Variants in TRAM2 observed in about 807,000 individuals in gnomAD.
TRAM2 encodes translocation associated membrane protein 2, also known as translocating chain-associated membrane protein 2.
TRAM2 carries 12 observed loss-of-function variants against 51.0 expected under a neutral mutation model. The ratio of observed to expected loss-of-function variants is 0.24; its 90% CI spans 0.15 to 0.38. TRAM2 has a LOEUF of 0.38. Ranked by LOEUF, TRAM2 falls within the 10% of genes least tolerant of loss-of-function variation. TRAM2 has a pLI of 1.00. For synonymous variants in TRAM2, 175 were observed against 179.4 expected, an observed-to-expected ratio of 0.98 and a Z score of 0.20; for missense variants, 361 against 462.0, an observed-to-expected ratio of 0.78 and a Z score of 2.00.
chr6:52,570,782 C>T (rs1767663082), intron 1 of TRAM2, among the ~76,000 whole-genome samples: 1 of 113,464 alleles, frequency 8.8e-6, no homozygotes, highest in Non-Finnish European at 2.0e-5. Context: ...TGCCCCAATC[C>T]TCCCTGCCCA....
chr6:52,561,780 C>T (rs1411481200), intron 1 of TRAM2, among the ~76,000 whole-genome samples: 2 of 151,738 alleles, frequency 1.3e-5, no homozygotes, highest in Admixed American at 6.6e-5. Flanking sequence ...TGTGCCACCA[C>T]GCCTGGTCCT....
At chr6:52,516,812 T>A in intron 2 of TRAM2, 75 bp from the exon 3 acceptor site, 4 of 1,116,982 alleles carry the variant, frequency 3.6e-6, no homozygotes, top group Non-Finnish European at 4.1e-6. Flanking sequence ...TGAAATGAGA[T>A]GGGAGGCGAA....
rs35821052 is a variant in TRAM2 at position 52,531,120 on chromosome 6, C to CAAAAA, written c.184+4658_184+4662dup. Among the ~76,000 whole-genome samples, 651 of 95,790 alleles carry CAAAAA rather than the reference C, an allele frequency of 6.8e-3. 33 individuals are homozygous for CAAAAA. In the East Asian group the frequency reaches 0.097, roughly 14 times the overall value. The allele number at this position is 95,790 out of a possible 152,430, so 62.8% of individuals were successfully genotyped here. On this transcript the variant is annotated intron_variant, in intron 2 of 10. Transcript: ENST00000182527. ...GAAGTCAGAATTTACCCTGGTTATG[C>CAAAAA]AAAAAAAAAAAAAAAAAAAAGGTAC...
chr6:52,506,358 TCA>T (rs937329925), intron 7 of TRAM2, among the ~76,000 whole-genome samples: 8 of 152,190 alleles, frequency 5.3e-5, no homozygotes, highest in African/African-American at 1.7e-4. Flanking sequence ...CTGTCCTGTC[TCA>T]GTCAGATGCC....
At chr6:52,566,110 G>C (rs932246957) in intron 1 of TRAM2, among the ~76,000 whole-genome samples, 1 of 152,300 alleles carries the variant, frequency 6.6e-6, no homozygotes, top group African/African-American at 2.4e-5. Context: ...GGACACTTCA[G>C]TGATAAAGCC....
intron 2 of TRAM2, among the ~76,000 whole-genome samples, chr6:52,535,138 A>G (rs1251911166): frequency 2.0e-5 from 3 of 152,184 alleles, no homozygotes; most frequent in Non-Finnish European, 2.9e-5. Flanking sequence ...TCCTCTGAAA[A>G]TGTTAAAAGG....
At chr6:52,542,421 G>A (rs1431861878) in intron 1 of TRAM2, among the ~76,000 whole-genome samples, 1 of 152,142 alleles carries the variant, frequency 6.6e-6, no homozygotes, top group African/African-American at 2.4e-5. Flanking sequence ...AGATACAGCT[G>A]AAACAAAGAT....
intron 1 of TRAM2, among the ~76,000 whole-genome samples, chr6:52,550,232 C>T (rs1291696260): frequency 6.6e-6 from 1 of 152,210 alleles, no homozygotes; most frequent in African/African-American, 2.4e-5. Context: ...TCCCCTTCAA[C>T]CACAGCTCTC....
Position 52,505,745 on chromosome 6 carries a change from G to A in TRAM2, c.732-3C>T. On this transcript the variant is annotated splice_region_variant and splice_polypyrimidine_tract_variant and intron_variant, in intron 8 of 10. Coordinates refer to ENST00000182527, the MANE Select transcript of TRAM2 (RefSeq NM_012288.4). The stretch of plus-strand genomic sequence containing the variant: ...AAACAGCAGCCCAGGCACTGAACCT[G>A]CTCACAGAGGCAGAAGAGGGATGTC... 1.9e-6 allele frequency: 3 copies of A among 1,601,808 alleles called. No homozygotes were observed. The highest frequency in any genetic ancestry group is 2.6e-6 in the Non-Finnish European group (3 of 1,173,648).
chr6:52,561,488 T>C (rs1326728716), intron 1 of TRAM2, among the ~76,000 whole-genome samples: 9 of 32,142 alleles, frequency 2.8e-4, no homozygotes, highest in African/African-American at 5.1e-4. Context: ...TTTCTTTTTC[T>C]TTTTTTTTTT....
chr6:52,504,480 C>G (rs2114058738), intron 10 of TRAM2, 111 bp downstream of exon 10: 1 of 1,523,536 alleles, frequency 6.6e-7, no homozygotes, highest in Middle Eastern at 2.4e-4. Context: ...GAAGGAGAAG[C>G]TGGCAGGATT....
intron 2 of TRAM2, chr6:52,522,908 C>T (rs552812203): frequency 2.8e-6 from 2 of 702,516 alleles, no homozygotes; most frequent in Non-Finnish European, 5.2e-6. Flanking sequence ...GCTTCTCCTG[C>T]CTGCCTTTAC....
At chr6:52,505,870 G>A (rs542052178) in intron 8 of TRAM2, 128 bp from the exon 9 acceptor site, 10 of 1,414,092 alleles carry the variant, frequency 7.1e-6, no homozygotes, top group East Asian at 4.8e-5. Flanking sequence ...CTTGAGGGAC[G>A]AGATATCTAA....
intron 1 of TRAM2, among the ~76,000 whole-genome samples, chr6:52,566,398 G>A (rs187923951): frequency 1.8e-4 from 28 of 152,108 alleles, no homozygotes; most frequent in South Asian, 1.7e-3. Context: ...TTCCTGGTTG[G>A]GGGTTGAGAC....
intron 4 of TRAM2, among the ~76,000 whole-genome samples, chr6:52,510,394 C>A (rs1562475929): frequency 1.3e-5 from 2 of 152,168 alleles, no homozygotes; most frequent in African/African-American, 2.4e-5. Context: ...GAAAGGGAAA[C>A]CCCCTGGGAC....
rs149243432 is a variant in TRAM2 at position 52,559,417 on chromosome 6, C to T, written c.120+17379G>A. Among the ~76,000 whole-genome samples the T allele has an allele frequency of 4.3e-4, 66 of 152,302 alleles. No individual in the cohort carries two copies. In the East Asian group the frequency reaches 0.011, roughly 24 times the overall value. On this transcript the variant is annotated intron_variant, in intron 1 of 10. Coordinates refer to ENST00000182527, the MANE Select transcript of TRAM2 (RefSeq NM_012288.4). ...GACTCAGGCTGTGAAGTCAGACACACGGACCTTGAATTGTGGCTCTGGCAT... is the reference window on the plus strand; with the variant it reads ...GACTCAGGCTGTGAAGTCAGACACATGGACCTTGAATTGTGGCTCTGGCAT...
intron 1 of TRAM2, among the ~76,000 whole-genome samples, chr6:52,575,078 T>C (rs1767741468): frequency 6.6e-6 from 1 of 152,162 alleles, no homozygotes; most frequent in African/African-American, 2.4e-5. Flanking sequence ...CAAAGGAAAT[T>C]CTGTTATTTT....
intron 2 of TRAM2, among the ~76,000 whole-genome samples, chr6:52,521,069 A>AT (rs776432117): frequency 9.3e-4 from 136 of 146,086 alleles, no homozygotes; most frequent in African/African-American, 2.3e-3. Context: ...GTTCCGGCAA[A>AT]TTTTTTTTTT....
intron 2 of TRAM2, among the ~76,000 whole-genome samples, chr6:52,533,747 G>A (rs990692429): frequency 1.3e-5 from 2 of 152,210 alleles, no homozygotes; most frequent in Admixed American, 6.5e-5. Context: ...GGCAGAGCCA[G>A]ACAAGGAAAA....
Sources: allele counts gnomAD v4.1 joint callset (sites outside exome capture counted in the v4.1 genomes callset), GRCh38; gene constraint gnomAD v4.1.1; transcripts MANE v1.5; gene names NCBI Gene and HGNC (gene_info 2026-07-23, HGNC 2026-07-21).